FBXO34: variants seen among roughly 807,000 people sequenced by gnomAD.
FBXO34 encodes F-box only protein 34.
In FBXO34, 12 loss-of-function variants were observed where a neutral mutation model predicts 24.5. The observed-to-expected ratio is 0.49, with a 90% confidence interval of 0.31 to 0.79. The LOEUF (loss-of-function observed/expected upper bound fraction) is 0.79, where lower values mean the gene tolerates loss of function less well. FBXO34 is among the 30% of genes least tolerant of loss of function. The probability of loss-of-function intolerance (pLI) is 0.04; values close to 1 mark genes in which losing one functional copy is unlikely to be tolerated. For synonymous variants in FBXO34, 320 were observed against 311.9 expected, an observed-to-expected ratio of 1.03 and a Z score of -0.27; for missense variants, 823 against 857.7, an observed-to-expected ratio of 0.96 and a Z score of 0.51.
chr14:55,416,423 C>A, the FBXO34 span, among the ~76,000 whole-genome samples: 1 of 151,576 alleles, frequency 6.6e-6, no homozygotes, highest in Non-Finnish European at 1.5e-5. Flanking sequence ...GACACCCTGT[C>A]TCCATAAAAA....
At chr14:55,298,994 T>C (rs988439937) in intron 1 of FBXO34, 2 of 1,608,690 alleles carry the variant, frequency 1.2e-6, no homozygotes, top group Non-Finnish European at 1.7e-6. Context: ...ATAAAGTTGA[T>C]GAGTTAATGC....
rs1222442495 is a variant in FBXO34, at chr14:55,290,229, A to G, written c.-11+18692A>G. On this transcript the variant is annotated intron_variant, in intron 1 of 1. Coordinates refer to ENST00000313833, the MANE Select transcript of FBXO34 (RefSeq NM_017943.4). ...GCCAACATGGTGAAACCCCGTCTCTACTAAAAAATGCAAAATTAGCCTGGT... is the reference window on the plus strand; with the variant it reads ...GCCAACATGGTGAAACCCCGTCTCTGCTAAAAAATGCAAAATTAGCCTGGT... 2.6e-5 allele frequency among the ~76,000 whole-genome samples: 4 copies of G among 151,970 alleles called. No individual in the cohort carries two copies. In the East Asian group the frequency reaches 7.7e-4, roughly 29 times the overall value.
At chr14:55,401,786 C>T in the FBXO34 span, among the ~76,000 whole-genome samples, 1 of 152,184 alleles carries the variant, frequency 6.6e-6, no homozygotes, top group Non-Finnish European at 1.5e-5. Flanking sequence ...CAACCCAGCT[C>T]GGGCTTCAGA....
At chr14:55,293,577 G>A (rs1882018619) in intron 1 of FBXO34, among the ~76,000 whole-genome samples, 1 of 151,862 alleles carries the variant, frequency 6.6e-6, no homozygotes, top group Non-Finnish European at 1.5e-5. Flanking sequence ...CTTATCTGGA[G>A]GTAAGATTTC....
chr14:55,352,374 C>T lies in FBXO34; in HGVS notation c.1984C>T (p.Pro662Ser), dbSNP rs768578981. ...CTATTGCCAGGCATTGCCCTATGGG[C>T]CAGGGTATTGGATGTGCTGCCACCG... Reference protein sequence around the residue: ...KPYCQALPYGPGYWMCCHRSQ... With the variant: ...KPYCQALPYGSGYWMCCHRSQ... The change falls in exon 2 of 2, where the codon CCA becomes TCA. Residue 662 changes from proline (P) to serine (S), a missense_variant. Around this residue, in one of 2 missense-constraint regions of FBXO34, gnomAD observed 130 missense variants for 198.6 expected, o/e 0.65. Transcript: ENST00000313833. 1 of 1,614,188 alleles carries T rather than the reference C, an allele frequency of 6.2e-7. No individual in the cohort carries two copies.
downstream of FBXO34, among the ~76,000 whole-genome samples, chr14:55,374,955 TC>T (rs1309212657): frequency 6.6e-6 from 1 of 152,238 alleles, no homozygotes; most frequent in African/African-American, 2.4e-5. Flanking sequence ...TTTCAAAACT[TC>T]CTTGCAGACT....
the FBXO34 span, chr14:55,377,882 T>G: frequency 2.7e-5 from 43 of 1,606,836 alleles, no homozygotes; most frequent in Non-Finnish European, 4.2e-6. Flanking sequence ...ATGCAGTGGT[T>G]GTAATTGATC....
At chr14:55,285,408 GAGGAACAGCATGTTACCTA>G (rs991501848) in intron 1 of FBXO34, 1 of 152,132 alleles carries the variant, frequency 6.6e-6, no homozygotes, top group Non-Finnish European at 1.5e-5. Context: ...CCTGGGAGTC[GAGGAACAGCATGTTACCTA>G]AGGTGGGGTG....
chr14:55,392,195 C>T, the FBXO34 span, among the ~76,000 whole-genome samples: 1 of 152,162 alleles, frequency 6.6e-6, no homozygotes, highest in African/African-American at 2.4e-5. Context: ...AAACTAATGC[C>T]ACCACTGATC....
chr14:55,299,740 C>G (rs769955112), intron 1 of FBXO34, among the ~76,000 whole-genome samples: 3 of 152,074 alleles, frequency 2.0e-5, no homozygotes, highest in Non-Finnish European at 2.9e-5. Context: ...TTTTAAATGA[C>G]CCATTTTTCT....
At chr14:55,384,276 A>G in the FBXO34 span, among the ~76,000 whole-genome samples, 1 of 152,258 alleles carries the variant, frequency 6.6e-6, no homozygotes, top group Admixed American at 6.5e-5. Flanking sequence ...CTTTTTGAAA[A>G]AAGTCAGCCT....
chr14:55,397,719 A>T, the FBXO34 span, among the ~76,000 whole-genome samples: 1 of 152,254 alleles, frequency 6.6e-6, no homozygotes, highest in Non-Finnish European at 1.5e-5. Context: ...GGCACATCAG[A>T]ACACTAAAGT....
chr14:55,393,107 C>T, the FBXO34 span, among the ~76,000 whole-genome samples: 100 of 152,234 alleles, frequency 6.6e-4, no homozygotes, highest in African/African-American at 8.7e-4. Context: ...TATGACTGGG[C>T]GCGGTGGCTC....
intron 1 of FBXO34, chr14:55,339,386 C>CCCG (rs1883912021): frequency 6.8e-6 from 1 of 146,174 alleles, no homozygotes; most frequent in Non-Finnish European, 1.5e-5. Flanking sequence ...CTGCCCCCCC[C>CCCG]CCCAATCCTG....
At chr14:55,375,559 G>T in the FBXO34 span, among the ~76,000 whole-genome samples, 2 of 142,720 alleles carry the variant, frequency 1.4e-5, no homozygotes, top group African/African-American at 5.2e-5. Flanking sequence ...GCCCAGGCTG[G>T]TCTTGAACTC....
chr14:55,298,521 C>T (rs1594735482), intron 1 of FBXO34: 1 of 607,916 alleles, frequency 1.6e-6, no homozygotes, highest in East Asian at 2.8e-5. Flanking sequence ...TTTATCCTAC[C>T]CCTACATTTG....
In FBXO34 at chr14:55,351,531, A is replaced by C. The variant is rs193046024; in HGVS notation, c.1141A>C (p.Ser381Arg). The stretch of plus-strand genomic sequence containing the variant: ...CTGCCCCCCATTGCCAGCAGGAGTG[A>C]GTTTCCACATAGACAGTGCAGAGTT... ...QDCPPLPAGV[S>R]FHIDSAELEP... The change falls in exon 2 of 2, where the codon AGT becomes CGT. Residue 381 changes from serine to arginine, a missense_variant. Transcript: ENST00000313833. 200 of 1,614,170 alleles carry C rather than the reference A, an allele frequency of 1.2e-4. 1 individual carries two copies. Among genetic ancestry groups the C allele is most frequent in the Middle Eastern group, 6.6e-4 (4 of 6,062 alleles).
At chr14:55,406,498 C>T in the FBXO34 span, among the ~76,000 whole-genome samples, 2 of 152,194 alleles carry the variant, frequency 1.3e-5, no homozygotes, top group Non-Finnish European at 2.9e-5. Context: ...CACAATCAAC[C>T]TGTGGCCCTC....
intron 1 of FBXO34, among the ~76,000 whole-genome samples, chr14:55,286,254 C>T (rs573615135): frequency 6.6e-6 from 1 of 152,192 alleles, no homozygotes; most frequent in East Asian, 1.9e-4. Flanking sequence ...CTTGAAGATT[C>T]GACGTGAATT....
Sources: allele counts gnomAD v4.1 joint callset (sites outside exome capture counted in the v4.1 genomes callset), GRCh38; gene constraint gnomAD v4.1.1; regional missense constraint gnomAD v4.1.1; transcripts MANE v1.5; gene names NCBI Gene and HGNC (gene_info 2026-07-23, HGNC 2026-07-21).